The following NOL4 variants were observed in gnomAD, a reference collection of about 807,000 sequenced individuals.
NOL4 encodes cancer/testis antigen 125.
NOL4 carries 17 observed loss-of-function variants against 75.9 expected under a neutral mutation model. The observed-to-expected ratio is 0.22, with a 90% CI of 0.15 to 0.34. The LOEUF is 0.34. NOL4 is among the 10% of genes least tolerant of loss of function. NOL4 has a pLI of 1.00. For missense variants in NOL4, 614 were observed against 793.5 expected, an observed-to-expected ratio of 0.77 and a Z score of 2.72; for synonymous variants, 292 against 289.9, an observed-to-expected ratio of 1.01 and a Z score of -0.07.
chr18:34,134,858 CTAATT>C (rs1296945808), intron 1 of NOL4, among the ~76,000 whole-genome samples: 1 of 152,050 alleles, frequency 6.6e-6, no homozygotes, highest in African/African-American at 2.4e-5. Context: ...CTTCTGAAAA[CTAATT>C]GGTCAGACGA....
chr18:33,883,524 G>C, intron 9 of NOL4, 100 bp from the exon 10 acceptor site: 2 of 815,452 alleles, frequency 2.5e-6, no homozygotes, highest in Non-Finnish European at 3.5e-6. Context: ...CATTGAATAA[G>C]AAAAAATATA....
At chr18:34,173,425 T>C (rs1272919619) in intron 1 of NOL4, among the ~76,000 whole-genome samples, 1 of 152,164 alleles carries the variant, frequency 6.6e-6, no homozygotes, top group Non-Finnish European at 1.5e-5. Context: ...ATGTTATCTA[T>C]GAATATGGTG....
intron 1 of NOL4, among the ~76,000 whole-genome samples, chr18:34,148,593 T>G (rs2081509710): frequency 6.6e-6 from 1 of 152,074 alleles, no homozygotes; most frequent in Non-Finnish European, 1.5e-5. Context: ...TTGTTATTAT[T>G]TCCATTCTTT....
intron 5 of NOL4, among the ~76,000 whole-genome samples, chr18:34,064,768 G>A (rs2077199411): frequency 6.6e-6 from 1 of 151,804 alleles, no homozygotes; most frequent in Admixed American, 6.6e-5. Context: ...CTTTATGTAT[G>A]ATTAGTATCC....
At chr18:34,073,319 G>A (rs2077600090) in intron 5 of NOL4, among the ~76,000 whole-genome samples, 1 of 151,972 alleles carries the variant, frequency 6.6e-6, no homozygotes, top group African/African-American at 2.4e-5. Context: ...AGGCAAATTA[G>A]ATAAAATAGA....
At chr18:34,158,787 C>A (rs2030915416) in intron 1 of NOL4, among the ~76,000 whole-genome samples, 2 of 152,054 alleles carry the variant, frequency 1.3e-5, no homozygotes, top group South Asian at 4.1e-4. Context: ...TAAATAGGGC[C>A]CAGGACAGTG....
At chr18:34,138,729 G>A (rs1296302067) in intron 1 of NOL4, among the ~76,000 whole-genome samples, 2 of 152,168 alleles carry the variant, frequency 1.3e-5, no homozygotes, top group Admixed American at 6.5e-5. Flanking sequence ...TAGGAGTGGT[G>A]AGAGAGGGCA....
intron 5 of NOL4, among the ~76,000 whole-genome samples, chr18:34,089,776 T>C (rs1382605767): frequency 1.3e-5 from 2 of 152,216 alleles, no homozygotes; most frequent in African/African-American, 4.8e-5. Flanking sequence ...ATGCAGCAGG[T>C]AGAGGCCAGG....
Position 33,852,704 on chromosome 18 carries a change from C to T in NOL4, c.*138G>A. On this transcript the variant is annotated 3_prime_UTR_variant, in exon 11 of 11. Transcript: ENST00000261592. ...GCACCTTAACACATCACTTACGGAT[C>T]AAGGACAATGTGGCATAATGGAAGT... The T allele has an allele frequency of 1.3e-6, 1 of 754,842 alleles. No individual in the cohort carries two copies. Among genetic ancestry groups the T allele is most frequent in the South Asian group, 1.9e-5 (1 of 53,684 alleles). The allele number at this position is 754,842 out of a possible 1,614,324, so 46.8% of individuals were successfully genotyped here. A position where few individuals can be genotyped will look rare whatever the true frequency, so the allele number is the denominator to read the frequency against.
chr18:34,208,352 C>T (rs780469146), intron 1 of NOL4, among the ~76,000 whole-genome samples: 17 of 151,998 alleles, frequency 1.1e-4, no homozygotes, highest in Non-Finnish European at 2.5e-4. Context: ...GAGCCCTACC[C>T]TGACCCAGAA....
At chr18:34,009,003 C>T (rs998470040) in intron 6 of NOL4, among the ~76,000 whole-genome samples, 2 of 151,942 alleles carry the variant, frequency 1.3e-5, no homozygotes, top group African/African-American at 4.8e-5. Context: ...CCTTACAACC[C>T]AACACCCTGC....
At chr18:34,203,181 C>A (rs941722651) in intron 1 of NOL4, among the ~76,000 whole-genome samples, 1 of 151,886 alleles carries the variant, frequency 6.6e-6, no homozygotes, top group African/African-American at 2.4e-5. Context: ...AAAAAACAAG[C>A]CAGTCCCCAA....
chr18:33,958,440 A>C (rs762161272), intron 6 of NOL4, 22 bp from the exon 7 acceptor site: 4 of 1,574,712 alleles, frequency 2.5e-6, no homozygotes, highest in Non-Finnish European at 3.5e-6. Flanking sequence ...AGGTGAAATA[A>C]CTGCTTTTAA....
intron 4 of NOL4, among the ~76,000 whole-genome samples, chr18:34,094,028 C>A (rs763646000): frequency 6.6e-6 from 1 of 151,806 alleles, no homozygotes; most frequent in African/African-American, 2.4e-5. Context: ...GGCAACAGAG[C>A]GAGACTCGTC....
At chr18:34,088,433 AC>A (rs1301596270) in intron 5 of NOL4, among the ~76,000 whole-genome samples, 4 of 152,116 alleles carry the variant, frequency 2.6e-5, no homozygotes, top group Admixed American at 1.3e-4. Context: ...AGCTCAAGTG[AC>A]AAAATTTCTG....
intron 1 of NOL4, among the ~76,000 whole-genome samples, chr18:34,196,606 T>C (rs1178809584): frequency 6.6e-6 from 1 of 152,142 alleles, no homozygotes; most frequent in Non-Finnish European, 1.5e-5. Context: ...AGAGGGTTTA[T>C]TCACACTTTG....
At chr18:34,064,596 C>A (rs185397146) in intron 5 of NOL4, among the ~76,000 whole-genome samples, 1 of 151,808 alleles carries the variant, frequency 6.6e-6, no homozygotes, top group East Asian at 1.9e-4. Context: ...TTATGAAATA[C>A]CAATTTATGC....
chr18:34,105,421 C>A (rs1444742037), intron 2 of NOL4, among the ~76,000 whole-genome samples: 1 of 151,906 alleles, frequency 6.6e-6, no homozygotes, highest in Non-Finnish European at 1.5e-5. Context: ...TTTTGCATTT[C>A]TTTTAGGTAA....
rs547709962 is a variant in NOL4, at chr18:34,122,869, C to A, written c.414+7002G>T. On this transcript the variant is annotated intron_variant, in intron 2 of 10. Transcript: ENST00000261592. ...TAGCAAGGAAAACAAACCTCTCGAT[C>A]TGAGTGAGAATCACCCACTAGGAGG... 2.0e-5 allele frequency among the ~76,000 whole-genome samples: 3 copies of A among 152,208 alleles called. No individual in the cohort carries two copies. In the East Asian group the frequency reaches 5.8e-4, roughly 29 times the overall value.
Sources: allele counts gnomAD v4.1 joint callset (sites outside exome capture counted in the v4.1 genomes callset), GRCh38; gene constraint gnomAD v4.1.1; transcripts MANE v1.5; gene names NCBI Gene and HGNC (gene_info 2026-07-23, HGNC 2026-07-21).